The following RANBP9 variants were observed in gnomAD, a reference collection of about 807,000 sequenced individuals.
RANBP9 encodes the protein RAN binding protein 9, also known as ran-binding protein 9.
RANBP9 carries 15 observed loss-of-function variants against 84.3 expected under a neutral mutation model. The ratio of observed to expected loss-of-function variants is 0.18; its 90% CI spans 0.12 to 0.27. The LOEUF is 0.27. RANBP9 is among the 10% of genes least tolerant of loss of function. The pLI is 1.00. For synonymous variants in RANBP9, 392 were observed against 349.6 expected, an observed-to-expected ratio of 1.12 and a Z score of -1.35; for missense variants, 809 against 912.8, an observed-to-expected ratio of 0.89 and a Z score of 1.46.
intron 10 of RANBP9, among the ~76,000 whole-genome samples, chr6:13,636,330 C>T (rs1411615044): frequency 4.6e-5 from 7 of 152,218 alleles, no homozygotes; most frequent in Admixed American, 3.3e-4. Context: ...ACCATCTTTG[C>T]CTACTTCACA....
At chr6:13,688,156 T>A (rs1163470648) in intron 2 of RANBP9, among the ~76,000 whole-genome samples, 1 of 152,198 alleles carries the variant, frequency 6.6e-6, no homozygotes, top group Non-Finnish European at 1.5e-5. Context: ...TTTCACAGAC[T>A]GAGAGAGTCT....
intron 2 of RANBP9, among the ~76,000 whole-genome samples, chr6:13,687,695 TCTA>T (rs756740730): frequency 6.6e-6 from 1 of 152,136 alleles, no homozygotes; most frequent in Non-Finnish European, 1.5e-5. Context: ...AACAAATCTG[TCTA>T]CTTTCCTCTA....
chr6:13,648,957 G>A (rs1765234024), intron 5 of RANBP9, among the ~76,000 whole-genome samples: 1 of 152,132 alleles, frequency 6.6e-6, no homozygotes, highest in Non-Finnish European at 1.5e-5. Flanking sequence ...GGTGAGGTAA[G>A]CTGAGGAAAA....
At chr6:13,641,101 A>G in intron 8 of RANBP9, 98 bp downstream of exon 8, 2 of 788,804 alleles carry the variant, frequency 2.5e-6, no homozygotes, top group Non-Finnish European at 3.7e-6. Flanking sequence ...AAAACGAAAA[A>G]AACTAAAATT....
Position 13,649,896 on chromosome 6 carries a change from A to T in RANBP9, c.927+2763T>A, listed in dbSNP as rs577253853. On this transcript the variant is annotated intron_variant, in intron 5 of 13. Coordinates refer to ENST00000011619, the MANE Select transcript of RANBP9 (RefSeq NM_005493.3). Reference sequence around the variant, plus strand: ...GGTCACCAACGACCTCTACTCTGCTAAGTACAATTGTCAATTCTCAGACCT... The same window carrying T: ...GGTCACCAACGACCTCTACTCTGCTTAGTACAATTGTCAATTCTCAGACCT... 1.2e-4 allele frequency among the ~76,000 whole-genome samples: 18 copies of T among 152,288 alleles called. 1 individual carries two copies. In the South Asian group the frequency reaches 3.5e-3, roughly 30 times the overall value.
chr6:13,641,537 C>A (rs1765064343), intron 7 of RANBP9, among the ~76,000 whole-genome samples: 1 of 151,734 alleles, frequency 6.6e-6, no homozygotes, highest in Non-Finnish European at 1.5e-5. Flanking sequence ...AAATCACGAA[C>A]ATACGAGTAA....
chr6:13,644,714 T>C lies in RANBP9; in HGVS notation c.943A>G (p.Thr315Ala). 1 of 1,600,824 alleles carries C rather than the reference T, an allele frequency of 6.2e-7. No homozygotes were observed. The highest frequency in any genetic ancestry group is 8.5e-7 in the Non-Finnish European group (1 of 1,174,928). Residue 315 changes from threonine (T) to alanine (A), a missense_variant, in exon 6 of 14, where the codon ACT becomes GCT. Physicochemically the swap from Thr to Ala is moderately conservative, Grantham distance 58. Coordinates refer to ENST00000011619, the MANE Select transcript of RANBP9 (RefSeq NM_005493.3). ...FTDLPPNLYPTVGLQTPGEVV... is the reference protein window; with the variant it reads ...FTDLPPNLYPAVGLQTPGEVV... Reference sequence around the variant, plus strand: ...TCTCCTGGTGTTTGAAGCCCCACAGTAGGATACAAATTTGGCTGTAAGATA... The same window carrying C: ...TCTCCTGGTGTTTGAAGCCCCACAGCAGGATACAAATTTGGCTGTAAGATA...
In RANBP9 at chr6:13,623,377, G is replaced by C. The variant is rs116529901; in HGVS notation, c.2060-885C>G. Reference sequence around the variant, plus strand: ...CTTCATATGGTTTAACTCCACTCTTGGTTCAGAGGATGCAATTTGATGGTG... The same window carrying C: ...CTTCATATGGTTTAACTCCACTCTTCGTTCAGAGGATGCAATTTGATGGTG... On this transcript the variant is annotated intron_variant, in intron 13 of 13. Transcript: ENST00000011619. Among the ~76,000 whole-genome samples, 418 of 152,262 alleles carry C rather than the reference G, an allele frequency of 2.7e-3. 1 individual carries two copies. Among genetic ancestry groups the C allele is most frequent in the African/African-American group, 9.6e-3 (400 of 41,530 alleles).
At chr6:13,702,013 T>C (rs1437351839) in intron 1 of RANBP9, among the ~76,000 whole-genome samples, 2 of 152,284 alleles carry the variant, frequency 1.3e-5, no homozygotes, top group African/African-American at 4.8e-5. Flanking sequence ...TCCTCTCTAA[T>C]CTCTCCTTCC....
intron 5 of RANBP9, among the ~76,000 whole-genome samples, chr6:13,647,159 T>A (rs1452214123): frequency 5.3e-5 from 8 of 152,086 alleles, no homozygotes; most frequent in Non-Finnish European, 1.0e-4. Context: ...CTTGGAAGAG[T>A]GTATTCCTAC....
intron 5 of RANBP9, among the ~76,000 whole-genome samples, chr6:13,646,274 T>G (rs1297990527): frequency 1.3e-5 from 2 of 152,168 alleles, no homozygotes; most frequent in African/African-American, 2.4e-5. Context: ...CTGGGTGTGG[T>G]GGCGCATGCC....
At chr6:13,698,788 A>C (rs1021673821) in intron 1 of RANBP9, among the ~76,000 whole-genome samples, 1 of 152,208 alleles carries the variant, frequency 6.6e-6, no homozygotes, top group African/African-American at 2.4e-5. Context: ...GAAGATAATG[A>C]AACTCGCCCA....
intron 2 of RANBP9, among the ~76,000 whole-genome samples, chr6:13,680,709 T>C (rs1352376439): frequency 6.6e-6 from 1 of 151,824 alleles, no homozygotes; most frequent in African/African-American, 2.4e-5. Flanking sequence ...TGAGCCATGA[T>C]TGTGCCACAG....
At chr6:13,640,150 C>T (rs998331142) in intron 8 of RANBP9, among the ~76,000 whole-genome samples, 2 of 152,092 alleles carry the variant, frequency 1.3e-5, no homozygotes, top group Admixed American at 6.5e-5. Context: ...GCCTTTCTCC[C>T]CACCCGTCCC....
intron 2 of RANBP9, among the ~76,000 whole-genome samples, chr6:13,659,953 T>C (rs1765503919): frequency 1.3e-5 from 2 of 152,208 alleles, no homozygotes; most frequent in African/African-American, 4.8e-5. Context: ...AAAGTACCTT[T>C]ATTTGTAGTT....
In RANBP9 at chr6:13,639,784, A is replaced by G. The variant is rs1224433211; in HGVS notation, c.1335-31T>C. ...GGAGAAAAGAAAAATTTACTTAGACACAATCTTCAAATGGCCTTTTATTTA... is the reference window on the plus strand; with the variant it reads ...GGAGAAAAGAAAAATTTACTTAGACGCAATCTTCAAATGGCCTTTTATTTA... On this transcript the variant is annotated intron_variant, in intron 8 of 13. Coordinates refer to ENST00000011619, the MANE Select transcript of RANBP9 (RefSeq NM_005493.3). 6 of 1,544,272 alleles carry G rather than the reference A, an allele frequency of 3.9e-6. No homozygotes were observed. The African/African-American group carries it at 4.1e-5, about 11-fold the overall frequency.
chr6:13,629,921 C>CTCTCGTGTGT lies in RANBP9; in HGVS notation c.1947+2448_1947+2449insACACACGAGA, dbSNP rs1554221305. ...TCTCTCTCTCTCTCTCTCTCTCTCTCGTGTGTGTGTGTGTGTGTGTGTATT... is the reference window on the plus strand; with the variant it reads ...TCTCTCTCTCTCTCTCTCTCTCTCTCTCTCGTGTGTGTGTGTGTGTGTGTGTGTGTGTATT... On this transcript the variant is annotated intron_variant, in intron 12 of 13. Transcript: ENST00000011619. 7.8e-5 allele frequency among the ~76,000 whole-genome samples: 10 copies of CTCTCGTGTGT among 128,342 alleles called. No individual in the cohort carries two copies. In the South Asian group the frequency reaches 1.0e-3, roughly 13 times the overall value. The allele number at this position is 128,342 out of a possible 152,430, so 84.2% of individuals were successfully genotyped here.
At chr6:13,667,809 T>C (rs2113301640) in intron 2 of RANBP9, among the ~76,000 whole-genome samples, 1 of 152,286 alleles carries the variant, frequency 6.6e-6, no homozygotes. Flanking sequence ...ATGATATTCC[T>C]ACAATGACAA....
At chr6:13,650,127 A>G (rs1337231281) in intron 5 of RANBP9, among the ~76,000 whole-genome samples, 1 of 151,758 alleles carries the variant, frequency 6.6e-6, no homozygotes, top group Admixed American at 6.6e-5. Context: ...TATTTACTAA[A>G]TAATGCGGCA....
Sources: allele counts gnomAD v4.1 joint callset (sites outside exome capture counted in the v4.1 genomes callset), GRCh38; gene constraint gnomAD v4.1.1; transcripts MANE v1.5; gene names NCBI Gene and HGNC (gene_info 2026-07-23, HGNC 2026-07-21).